The following CASS4 variants were observed in gnomAD, a reference collection of about 807,000 sequenced individuals.
CASS4 encodes the protein cas scaffolding protein family member 4.
In CASS4, 22 loss-of-function variants were observed where a neutral mutation model predicts 54.2. The ratio of observed to expected loss-of-function variants is 0.41; its 90% confidence interval spans 0.29 to 0.58. The LOEUF (loss-of-function observed/expected upper bound fraction) is 0.58, where lower values mean the gene tolerates loss of function less well. CASS4 is among the 20% of genes least tolerant of loss of function. CASS4 has a pLI of 0.36. For missense variants in CASS4, 854 were observed against 986.7 expected (o/e 0.87, Z 1.80); for synonymous variants, 409 against 391.5 (o/e 1.04, Z -0.53).
Position 56,412,318 on chromosome 20 carries a change from G to A in CASS4, c.-141G>A, listed in dbSNP as rs951355433. 27 of 879,610 alleles carry A rather than the reference G, an allele frequency of 3.1e-5. No individual in the cohort carries two copies. The highest frequency in any genetic ancestry group is 1.6e-4 in the South Asian group (10 of 63,230). The allele number at this position is 879,610 out of a possible 1,614,324, so 54.5% of individuals were successfully genotyped here. A position where few individuals can be genotyped will look rare whatever the true frequency, so the allele number is the denominator to read the frequency against. On this transcript the variant is annotated 5_prime_UTR_variant, in exon 1 of 6. Transcript: ENST00000679887. The surrounding 1 kb of genome is among the most constrained non-coding windows in gnomAD (Gnocchi z 4.2). ...GCCTGCTGGGAGAGTCTTTTTGATC[G>A]TTTCCCATGTGTTGTCAGATAGCTC... is the stretch of plus-strand genomic sequence containing the variant.
intron 2 of CASS4, among the ~76,000 whole-genome samples, chr20:56,438,381 G>A (rs1049377646): frequency 6.6e-6 from 1 of 152,112 alleles, no homozygotes; most frequent in Non-Finnish European, 1.5e-5. Flanking sequence ...ATGTCTGGAT[G>A]AGGAGGCTGT....
At chr20:56,413,425 C>G (rs1003962473) in intron 1 of CASS4, among the ~76,000 whole-genome samples, 4 of 151,932 alleles carry the variant, frequency 2.6e-5, no homozygotes, top group Admixed American at 1.3e-4. Flanking sequence ...GTAATCCCAG[C>G]ACTTTGGGAG....
chr20:56,416,553 G>C (rs1017234295), intron 1 of CASS4, among the ~76,000 whole-genome samples: 2 of 152,064 alleles, frequency 1.3e-5, no homozygotes, highest in African/African-American at 4.8e-5. Context: ...GTGTGTGTGT[G>C]TGTGTATGCA....
At position 56,452,054 on chromosome 20, in the gene CASS4, A is replaced by G. The variant is rs778745360; in HGVS notation, c.878A>G (p.Gln293Arg). ...GGCAGATCCAGGTCCCTCACTCCACAACTGAATAACAATGTGCCCATGCAG... is the reference window on the plus strand; with the variant it reads ...GGCAGATCCAGGTCCCTCACTCCACGACTGAATAACAATGTGCCCATGCAG... ...PSGRSRSLTP[Q>R]LNNNVPMQKK... is the part of the protein sequence containing the mutation. Residue 293 changes from glutamine to arginine, a missense_variant, in exon 5 of 6, where the codon CAA becomes CGA. Coordinates refer to ENST00000679887, the MANE Select transcript of CASS4 (RefSeq NM_020356.4). The G allele has an allele frequency of 1.2e-5, 19 of 1,614,158 alleles. No individual in the cohort carries two copies. The South Asian group carries it at 2.1e-4, about 18-fold the overall frequency.
chr20:56,455,672 G>C lies in CASS4; in HGVS notation c.1953+2543G>C, dbSNP rs560285065. On this transcript the variant is annotated intron_variant, in intron 5 of 5. Coordinates refer to ENST00000679887, the MANE Select transcript of CASS4 (RefSeq NM_020356.4). ...TGGCCGGGCATGGTGGCTCACGCCT[G>C]TAATCCCAGCACTTTGGGAGGCCGA... Among the ~76,000 whole-genome samples, 12 of 152,362 alleles carry C rather than the reference G, an allele frequency of 7.9e-5. No homozygotes were observed. In the South Asian group the frequency reaches 2.1e-3, roughly 26 times the overall value.
chr20:56,442,175 G>T (rs912852037), intron 2 of CASS4, among the ~76,000 whole-genome samples: 1 of 151,712 alleles, frequency 6.6e-6, no homozygotes, highest in African/African-American at 2.4e-5. Flanking sequence ...ACTAAGAGTG[G>T]CCCCAAATTA....
At chr20:56,425,815 T>C (rs191531292) in intron 1 of CASS4, among the ~76,000 whole-genome samples, 6 of 152,326 alleles carry the variant, frequency 3.9e-5, no homozygotes, top group Admixed American at 2.6e-4. Flanking sequence ...CCCAAACCTC[T>C]AACTCCCCAG....
chr20:56,439,003 A>G (rs6099148), intron 2 of CASS4, among the ~76,000 whole-genome samples: 6,987 of 152,322 alleles, frequency 0.046, 533 homozygotes, highest in African/African-American at 0.16. Flanking sequence ...AGAGAAAGGG[A>G]GCAGTAAGCT....
chr20:56,433,692 G>C (rs1388619806), intron 1 of CASS4, among the ~76,000 whole-genome samples: 2 of 152,220 alleles, frequency 1.3e-5, no homozygotes, highest in African/African-American at 4.8e-5. Context: ...TCCATCGGCT[G>C]TAGCTCAGCT....
chr20:56,447,911 G>A (rs536242810), intron 3 of CASS4, among the ~76,000 whole-genome samples: 16 of 152,352 alleles, frequency 1.1e-4, no homozygotes, highest in African/African-American at 3.6e-4. Context: ...GGGAGGCTGA[G>A]GCAGGTAGAT....
intron 2 of CASS4, among the ~76,000 whole-genome samples, chr20:56,442,358 G>A (rs964076716): frequency 1.3e-5 from 2 of 151,676 alleles, no homozygotes; most frequent in African/African-American, 4.9e-5. Flanking sequence ...GAAACTGCTC[G>A]TGCAGCCACA....
intron 1 of CASS4, among the ~76,000 whole-genome samples, chr20:56,413,082 A>G (rs1978957791): frequency 6.6e-6 from 1 of 151,772 alleles, no homozygotes; most frequent in Non-Finnish European, 1.5e-5. Flanking sequence ...ACATACCTGT[A>G]CTCCAGCTAC....
Position 56,437,368 on chromosome 20 carries a change from C to T in CASS4, c.241C>T (p.Pro81Ser). ...GGAGGTCGCTGCAGACAGGCCGTGC[C>T]CCCCATTCCTGAGAGGCCTGGAAGA... Reference protein sequence around the residue: ...LTEVAADRPCPPFLRGLEEAP... With the variant: ...LTEVAADRPCSPFLRGLEEAP... Residue 81 changes from proline to serine, a missense_variant, in exon 2 of 6, where the codon CCC becomes TCC. By Grantham distance (74) the Pro-to-Ser change is moderately conservative (BLOSUM62 -1). Transcript: ENST00000679887. This position sits in a 1 kb window ranked among gnomAD's most constrained non-coding sequence, Gnocchi z 4.7. 1 of 1,614,098 alleles carries T rather than the reference C, an allele frequency of 6.2e-7. No individual in the cohort carries two copies.
chr20:56,413,358 C>G (rs1266692223), intron 1 of CASS4, among the ~76,000 whole-genome samples: 1 of 151,852 alleles, frequency 6.6e-6, no homozygotes, highest in Non-Finnish European at 1.5e-5. Context: ...AAAATCAATG[C>G]TTATTTTTCA....
chr20:56,436,358 G>A (rs989498825), intron 1 of CASS4, among the ~76,000 whole-genome samples: 134 of 144,412 alleles, frequency 9.3e-4, no homozygotes, highest in African/African-American at 1.7e-3. Flanking sequence ...GTGTGTGTGT[G>A]TGTATATATA....
chr20:56,429,593 C>A (rs1979807521), intron 1 of CASS4, among the ~76,000 whole-genome samples: 1 of 152,114 alleles, frequency 6.6e-6, no homozygotes, highest in African/African-American at 2.4e-5. Context: ...CTCCAACTTT[C>A]CATGCGCCCC....
intron 5 of CASS4, 105 bp from the exon 6 acceptor site, chr20:56,458,235 T>A (rs904445502): frequency 2.1e-5 from 24 of 1,158,394 alleles, no homozygotes; most frequent in Admixed American, 9.9e-5. Flanking sequence ...CATGCTTTTT[T>A]AAAAAAAATA....
chr20:56,418,444 A>G (rs187709212), intron 1 of CASS4, among the ~76,000 whole-genome samples: 55 of 152,302 alleles, frequency 3.6e-4, no homozygotes, highest in Non-Finnish European at 5.7e-4. Context: ...TCTAATTGCA[A>G]AGGAAACCAC....
intron 1 of CASS4, among the ~76,000 whole-genome samples, chr20:56,436,224 A>C (rs1173895680): frequency 6.6e-6 from 1 of 152,052 alleles, no homozygotes; most frequent in African/African-American, 2.4e-5. Flanking sequence ...ATCTAATAGT[A>C]ATAACAGTCA....
Sources: gnomAD v4.1 joint callset for allele counts (sites outside exome capture counted in the v4.1 genomes callset) on GRCh38, gnomAD v4.1.1 for gene constraint, Gnocchi (gnomAD v3.1) non-coding constraint, MANE v1.5 for transcripts, NCBI Gene and HGNC (gene_info 2026-07-23, HGNC 2026-07-21) for gene names.